Variants in SGO2 observed in about 807,000 individuals in gnomAD.
The protein encoded by SGO2 is shugoshin-like 2.
SGO2 carries 68 observed loss-of-function variants against 99.5 expected under a neutral mutation model. The observed-to-expected ratio is 0.68, with a 90% CI of 0.56 to 0.84. The LOEUF is 0.84. Ranked by LOEUF, SGO2 falls within the 40% of genes least tolerant of loss-of-function variation. The pLI, the probability that SGO2 is intolerant of heterozygous loss-of-function variation, is 0.00. For synonymous variants in SGO2, 457 were observed against 487.1 expected (o/e 0.94, Z 0.81); for missense variants, 1,350 against 1,436.7 (o/e 0.94, Z 0.97).
chr2:200,577,661 C>T (rs2033710215), intron 8 of SGO2, among the ~76,000 whole-genome samples: 1 of 151,742 alleles, frequency 6.6e-6, no homozygotes, highest in Non-Finnish European at 1.5e-5. Context: ...ATCCTCCAAC[C>T]TATGACAGTT....
chr2:200,561,582 G>C (rs1048095909), intron 5 of SGO2, among the ~76,000 whole-genome samples: 32 of 152,288 alleles, frequency 2.1e-4, no homozygotes, highest in Non-Finnish European at 3.4e-4. Flanking sequence ...CCAGTAATGG[G>C]ATGGCTGGGT....
chr2:200,529,865 A>G (rs1294234374), intron 1 of SGO2, among the ~76,000 whole-genome samples: 1 of 152,230 alleles, frequency 6.6e-6, no homozygotes, highest in Non-Finnish European at 1.5e-5. Flanking sequence ...TGAGAGGGTG[A>G]CATTTGAAGA....
rs1417902544 is a variant in SGO2 at position 200,571,811 on chromosome 2, T to C, written c.1465T>C (p.Cys489Arg). 6.2e-7 allele frequency: 1 copy of C among 1,613,308 alleles called. No individual in the cohort carries two copies. The highest frequency in any genetic ancestry group is 8.5e-7 in the Non-Finnish European group (1 of 1,179,604). The change falls in exon 7 of 9, where the codon TGT becomes CGT. Residue 489 changes from cysteine to arginine, a missense_variant. Transcript: ENST00000357799. ...FEQGDRENVL[C>R]NKKEKRITNE... ...ACAAGGTGACAGAGAAAATGTACTG[T>C]GTAATAAAAAGGAGAAAAGAATAAC...
intron 5 of SGO2, among the ~76,000 whole-genome samples, chr2:200,555,174 T>A (rs113463164): frequency 1.6e-4 from 24 of 152,352 alleles, no homozygotes; most frequent in African/African-American, 5.0e-4. Context: ...AAAGATTAGT[T>A]AAGTCACATG....
chr2:200,527,060 A>C (rs1399967551), intron 1 of SGO2, among the ~76,000 whole-genome samples: 1 of 152,198 alleles, frequency 6.6e-6, no homozygotes, highest in East Asian at 1.9e-4. Flanking sequence ...AGTTGTAATC[A>C]CTATCATAAT....
In SGO2 at chr2:200,573,339, T is replaced by G; in HGVS notation, c.2993T>G (p.Leu998Trp). 6.2e-7 allele frequency: 1 copy of G among 1,605,326 alleles called. No individual in the cohort carries two copies. ...KESSCKAKNI[L>W]TKAKNKLASQ... is the part of the protein sequence containing the mutation. ...TCATCATGCAAGGCAAAGAACATTT[T>G]GACAAAAGCTAAGAACAAACTTGCT... The change falls in exon 7 of 9, where the codon TTG (leucine) becomes TGG (tryptophan). Residue 998 changes from leucine to tryptophan, a missense_variant. Coordinates refer to ENST00000357799, the MANE Select transcript of SGO2 (RefSeq NM_152524.6).
At chr2:200,537,295 C>G (rs2031736366) in intron 4 of SGO2, among the ~76,000 whole-genome samples, 1 of 152,088 alleles carries the variant, frequency 6.6e-6, no homozygotes, top group Admixed American at 6.6e-5. Context: ...CATCTCTCAT[C>G]TTAAAAAATA....
chr2:200,569,922 T>C, intron 6 of SGO2, 30 bp downstream of exon 6: 1 of 1,387,784 alleles, frequency 7.2e-7, no homozygotes. Flanking sequence ...TCATTTTGAG[T>C]ATTTGTATTA....
chr2:200,558,801 A>G (rs1191622234), intron 5 of SGO2, among the ~76,000 whole-genome samples: 1 of 143,970 alleles, frequency 6.9e-6, no homozygotes, highest in Non-Finnish European at 1.5e-5. Context: ...TTTTGGTAAC[A>G]TCTCTTTTTT....
intron 2 of SGO2, among the ~76,000 whole-genome samples, chr2:200,533,705 A>G (rs2031545999): frequency 6.6e-6 from 1 of 152,014 alleles, no homozygotes. Context: ...AAATTATCTC[A>G]GTGTTCATAC....
intron 7 of SGO2, 113 bp downstream of exon 7, chr2:200,574,090 A>G (rs2033564947): frequency 1.3e-6 from 1 of 769,364 alleles, no homozygotes; most frequent in African/African-American, 1.8e-5. Context: ...ATGGAATTTA[A>G]AAACAATATA....
rs905518233 is a variant in SGO2, at chr2:200,526,866, C to T, written c.-3+614C>T. 1.3e-5 allele frequency among the ~76,000 whole-genome samples: 2 copies of T among 152,178 alleles called. No homozygotes were observed. The highest frequency in any genetic ancestry group is 4.8e-5 in the African/African-American group (2 of 41,430). On this transcript the variant is annotated intron_variant, in intron 1 of 8. Transcript: ENST00000357799. The surrounding 1 kb of genome is among the most constrained non-coding windows in gnomAD (Gnocchi z 4.8). ...CGAGATGCTGGCCGGACAAGTGTCA[C>T]AGAGTGCTGGTATTGAGTGCTGATA...
chr2:200,532,846 G>A (rs842940), intron 1 of SGO2, 128 bp from the exon 2 acceptor site: 792,409 of 974,316 alleles, frequency 0.81, 324,411 homozygotes, highest in Non-Finnish European at 0.84. Context: ...CAGATTTTAT[G>A]TAAAGTTTAG....
At chr2:200,569,970 G>T (rs758331692) in intron 6 of SGO2, 78 bp downstream of exon 6, 26 of 925,728 alleles carry the variant, frequency 2.8e-5, no homozygotes, top group Non-Finnish European at 4.4e-5. Context: ...GGGCAATTAT[G>T]TATAACAGTT....
chr2:200,564,668 G>C (rs1276135045), intron 5 of SGO2, among the ~76,000 whole-genome samples: 1 of 152,164 alleles, frequency 6.6e-6, no homozygotes, highest in Non-Finnish European at 1.5e-5. Context: ...GGGTGTTAAA[G>C]TCTCCCTTTA....
At position 200,583,393 on chromosome 2, in the gene SGO2, C is replaced by T. The variant is rs116169039; in HGVS notation, c.3783-56C>T. 3.1e-5 allele frequency: 47 copies of T among 1,494,394 alleles called. No homozygotes were observed. The African/African-American group carries it at 5.3e-4, about 17-fold the overall frequency. 92.6% of individuals were successfully genotyped at this position (1,494,394 alleles called of 1,614,324 possible). ...AAACAATTTTCTTCTCCATGCTTCACAGCAAAAGCATTAATTTTGGGTTGT... is the reference window on the plus strand; with the variant it reads ...AAACAATTTTCTTCTCCATGCTTCATAGCAAAAGCATTAATTTTGGGTTGT... On this transcript the variant is annotated intron_variant, in intron 8 of 8. Coordinates refer to ENST00000357799, the MANE Select transcript of SGO2 (RefSeq NM_152524.6).
intron 3 of SGO2, 68 bp downstream of exon 3, chr2:200,535,239 G>T: frequency 1.5e-6 from 2 of 1,314,478 alleles, no homozygotes; most frequent in Non-Finnish European, 2.0e-6. Context: ...TATTATAGAA[G>T]CTTTAAAAAT....
chr2:200,575,221 T>C (rs915782980), intron 7 of SGO2, 90 bp from the exon 8 acceptor site: 16 of 637,940 alleles, frequency 2.5e-5, no homozygotes, highest in Non-Finnish European at 9.4e-6. Flanking sequence ...AAATTTGCTG[T>C]GGTGATTTGC....
chr2:200,546,735 A>G (rs2032235884), intron 5 of SGO2, among the ~76,000 whole-genome samples: 1 of 152,180 alleles, frequency 6.6e-6, no homozygotes, highest in African/African-American at 2.4e-5. Context: ...TTGCTGAGCT[A>G]TAAAACTCTT....
Sources: gnomAD v4.1 joint callset for allele counts (sites outside exome capture counted in the v4.1 genomes callset) on GRCh38, gnomAD v4.1.1 for gene constraint, Gnocchi (gnomAD v3.1) non-coding constraint, MANE v1.5 for transcripts, NCBI Gene and HGNC (gene_info 2026-07-23, HGNC 2026-07-21) for gene names.